The following ADGRL1 variants were observed in gnomAD, a reference collection of about 807,000 sequenced individuals.
ADGRL1 encodes the protein adhesion G protein-coupled receptor L1, also known as CIRL-1.
ADGRL1 carries 31 observed loss-of-function variants against 148.9 expected under a neutral mutation model. The observed-to-expected ratio is 0.21, with a 90% CI of 0.16 to 0.28. The LOEUF (loss-of-function observed/expected upper bound fraction) is 0.28, where lower values mean the gene tolerates loss of function less well. Among genes scored for constraint, ADGRL1 ranks in the 10% least tolerant of loss-of-function variants. The pLI is 1.00. For missense variants in ADGRL1, 1,521 were observed against 2,058.8 expected (o/e 0.74, Z 5.05); for synonymous variants, 937 against 900.3 (o/e 1.04, Z -0.73).
At chr19:14,194,167 G>A (rs1972116515) in intron 1 of ADGRL1, among the ~76,000 whole-genome samples, 1 of 152,152 alleles carries the variant, frequency 6.6e-6, no homozygotes, top group Non-Finnish European at 1.5e-5. Context: ...ACCTGTGATC[G>A]CACCAGTACA....
chr19:14,173,590 C>T (rs879366759), intron 3 of ADGRL1, among the ~76,000 whole-genome samples: 8 of 152,082 alleles, frequency 5.3e-5, no homozygotes, highest in Non-Finnish European at 7.4e-5. Flanking sequence ...TGTACACGCA[C>T]GTTCACAGCT....
chr19:14,153,971 TA>T (rs931109030), intron 18 of ADGRL1, among the ~76,000 whole-genome samples: 1 of 150,526 alleles, frequency 6.6e-6, no homozygotes, highest in Non-Finnish European at 1.5e-5. Flanking sequence ...AAAAAAAACC[TA>T]AAAAAATAAA....
chr19:14,170,210 TG>T (rs1418902368), intron 4 of ADGRL1: 1 of 154,382 alleles, frequency 6.5e-6, no homozygotes, highest in African/African-American at 2.4e-5. Context: ...AGAGGGGCAG[TG>T]GGGTAAGTGA....
chr19:14,163,532 G>T (rs946811811), intron 4 of ADGRL1, 126 bp from the exon 5 acceptor site: 2 of 729,146 alleles, frequency 2.7e-6, no homozygotes, highest in Non-Finnish European at 4.4e-6. Flanking sequence ...CGCTGCTGGT[G>T]GGGAGCCAGG....
intron 4 of ADGRL1, among the ~76,000 whole-genome samples, chr19:14,167,462 T>C (rs528169848): frequency 6.6e-6 from 1 of 151,476 alleles, no homozygotes; most frequent in Non-Finnish European, 1.5e-5. Flanking sequence ...AGTGGTGGGG[T>C]GGATAAGCCA....
chr19:14,152,376 G>A lies in ADGRL1; in HGVS notation c.3582C>T (p.Pro1194=). 1 of 1,602,042 alleles carries A rather than the reference G, an allele frequency of 6.2e-7. No homozygotes were observed. The highest frequency in any genetic ancestry group is 1.1e-5 in the South Asian group (1 of 89,474). ...CTGACTCGGCGATGAGGGTGTTGTA[G>A]GGACTGGTGCCCCCACGGGGCTGCA... ...PVLQPRGGTS[P]YNTLIAESVG... is the part of the protein sequence containing the mutation. Residue 1194 remains proline, a synonymous_variant, in exon 21 of 23, where the codon CCC becomes CCT. Coordinates refer to ENST00000361434, the MANE Select transcript of ADGRL1 (RefSeq NM_014921.5). This position sits in a 1 kb window ranked among gnomAD's most constrained non-coding sequence, Gnocchi z 6.1.
At chr19:14,188,016 G>A (rs2145074905) in intron 1 of ADGRL1, among the ~76,000 whole-genome samples, 1 of 152,186 alleles carries the variant, frequency 6.6e-6, no homozygotes, top group South Asian at 2.1e-4. Context: ...GATCACTTGA[G>A]CCCAGGAGTT....
rs754400674 is a variant in ADGRL1, at chr19:14,151,596, C to T, written c.3687G>A (p.Arg1229=). The stretch of plus-strand genomic sequence containing the variant: ...GCAGGGTGTCCATGCCACAGGCTTC[C>T]CGGCCTCCCAAGGGGTGCTCTGCAG... ...YREPKHPLGG[R]EACGMDTLPL... Residue 1229 remains arginine, a synonymous_variant, in exon 23 of 23, where the codon CGG becomes CGA. Coordinates refer to ENST00000361434, the MANE Select transcript of ADGRL1 (RefSeq NM_014921.5). 1 of 1,603,770 alleles carries T rather than the reference C, an allele frequency of 6.2e-7. No individual in the cohort carries two copies.
In ADGRL1 at chr19:14,163,186, G is replaced by A. The variant is rs781636420; in HGVS notation, c.615C>T (p.Arg205=). ...RHTTTYRLPN[R]VDGTGFVVYD... ...AGACCACAAAGCCTGTGCCATCCAC[G>A]CGGTTGGGCAGGCGGTAGGTGGTGG... The change falls in exon 5 of 23, where the codon CGC becomes CGT. Residue 205 remains arginine (R), a synonymous_variant. Coordinates refer to ENST00000361434, the MANE Select transcript of ADGRL1 (RefSeq NM_014921.5). The A allele has an allele frequency of 6.8e-6, 11 of 1,613,918 alleles. No homozygotes were observed. Among genetic ancestry groups the A allele is most frequent in the Middle Eastern group, 1.6e-4 (1 of 6,084 alleles).
In ADGRL1 at chr19:14,161,166, TGA is replaced by T; in HGVS notation, c.1510+144_1510+145del. ...GGGGCACTGAGTGGCTCCTGTGCCC[TGA>T]GAGCTCTGCTGGTCACTGGGGATGA... On this transcript the variant is annotated intron_variant, in intron 6 of 22. Transcript: ENST00000361434. This position sits in a 1 kb window ranked among gnomAD's most constrained non-coding sequence, Gnocchi z 4.4. The T allele has an allele frequency of 1.2e-6, 1 of 827,834 alleles. No individual in the cohort carries two copies. Among genetic ancestry groups the T allele is most frequent in the Non-Finnish European group, 1.8e-6 (1 of 561,498 alleles). The allele number at this position is 827,834 out of a possible 1,614,324, so 51.3% of individuals were successfully genotyped here. A position where few individuals can be genotyped will look rare whatever the true frequency, so the allele number is the denominator to read the frequency against.
At chr19:14,186,619 G>A (rs557831802) in intron 1 of ADGRL1, among the ~76,000 whole-genome samples, 31 of 151,994 alleles carry the variant, frequency 2.0e-4, no homozygotes, top group African/African-American at 5.8e-4. Context: ...CTCCTTGCCC[G>A]CCTCCCAATC....
chr19:14,160,820 A>C lies in ADGRL1; in HGVS notation c.1511-124T>G. On this transcript the variant is annotated intron_variant, in intron 6 of 22. Coordinates refer to ENST00000361434, the MANE Select transcript of ADGRL1 (RefSeq NM_014921.5). The surrounding 1 kb of genome is among the most constrained non-coding windows in gnomAD (Gnocchi z 5.9). ...GAGCGGGCGAAGAGGGAGGTGAGGG[A>C]AACACGGAGAAACAGACATGAAGCG... 2.9e-6 allele frequency: 2 copies of C among 695,658 alleles called. No individual in the cohort carries two copies. Among genetic ancestry groups the C allele is most frequent in the Non-Finnish European group, 5.2e-6 (2 of 381,676 alleles). The allele number at this position is 695,658 out of a possible 1,614,324, so 43.1% of individuals were successfully genotyped here. A position where few individuals can be genotyped will look rare whatever the true frequency, so the allele number is the denominator to read the frequency against.
Position 14,149,492 on chromosome 19 carries a change from GAGCAATATACAAGA to G in ADGRL1, c.*1367_*1380del, listed in dbSNP as rs1296404815. ...CCATCTTCCCCGGCGAGAGTCCCCA[GAGCAATATACAAGA>G]AGCAGGAACTCAAAGGGACAGCGCA... On this transcript the variant is annotated 3_prime_UTR_variant, in exon 23 of 23. Transcript: ENST00000361434. The G allele has an allele frequency of 6.5e-6, 1 of 152,952 alleles. No individual in the cohort carries two copies. Among genetic ancestry groups the G allele is most frequent in the African/African-American group, 2.4e-5 (1 of 41,428 alleles). 9.5% of individuals were successfully genotyped at this position (152,952 alleles called of 1,614,324 possible).
intron 3 of ADGRL1, among the ~76,000 whole-genome samples, chr19:14,174,756 G>C (rs540303396): frequency 1.3e-5 from 2 of 151,032 alleles, no homozygotes; most frequent in East Asian, 3.9e-4. Context: ...GGTTGGTCTC[G>C]AACTCCTGAC....
At chr19:14,190,948 T>A (rs1220103418) in intron 1 of ADGRL1, 1 of 378,696 alleles carries the variant, frequency 2.6e-6, no homozygotes, top group Non-Finnish European at 5.3e-6. Flanking sequence ...ATTAGCCAGG[T>A]GTGATGGCGG....
rs1458849073 is a variant in ADGRL1 at position 14,162,189 on chromosome 19, A to G, written c.1195+417T>C. Among the ~76,000 whole-genome samples, 1 of 152,206 alleles carries G rather than the reference A, an allele frequency of 6.6e-6. No homozygotes were observed. The highest frequency in any genetic ancestry group is 1.5e-5 in the Non-Finnish European group (1 of 68,024). The stretch of plus-strand genomic sequence containing the variant: ...AAAAGAAGACTGCAGAGTTGCCCTC[A>G]GCCCGGTCAGCATCAGCAGCTCAGC... On this transcript the variant is annotated intron_variant, in intron 5 of 22. Coordinates refer to ENST00000361434, the MANE Select transcript of ADGRL1 (RefSeq NM_014921.5). This position sits in a 1 kb window ranked among gnomAD's most constrained non-coding sequence, Gnocchi z 5.4.
chr19:14,171,969 CCT>C (rs1468240887), intron 3 of ADGRL1, among the ~76,000 whole-genome samples: 2 of 152,148 alleles, frequency 1.3e-5, no homozygotes, highest in African/African-American at 4.8e-5. Flanking sequence ...CAGAAGAGGC[CCT>C]GTGTCTCCCC....
Position 14,159,576 on chromosome 19 carries a change from C to T in ADGRL1, c.1848G>A (p.Val616=). 6.3e-7 allele frequency: 1 copy of T among 1,597,426 alleles called. No homozygotes were observed. Among genetic ancestry groups the T allele is most frequent in the Non-Finnish European group, 8.6e-7 (1 of 1,168,038 alleles). The part of the protein sequence containing the change: ...RTCKDYIKAV[V]ETVDNLLRPE... ...GCCGGAGCAGATTGTCCACTGTCTCCACCACGGCCTGCACAGGCAGAGGGC... is the reference window on the plus strand; with the variant it reads ...GCCGGAGCAGATTGTCCACTGTCTCTACCACGGCCTGCACAGGCAGAGGGC... Residue 616 remains valine (V), a synonymous_variant, in exon 10 of 23, where the codon GTG becomes GTA. Coordinates refer to ENST00000361434, the MANE Select transcript of ADGRL1 (RefSeq NM_014921.5). The surrounding 1 kb of genome is among the most constrained non-coding windows in gnomAD (Gnocchi z 6.0).
chr19:14,193,041 G>A (rs1196478550), intron 1 of ADGRL1, among the ~76,000 whole-genome samples: 2 of 152,246 alleles, frequency 1.3e-5, no homozygotes, highest in African/African-American at 2.4e-5. Context: ...TGACCTGGGG[G>A]ACCACGCCTG....
Sources: allele counts gnomAD v4.1 joint callset (sites outside exome capture counted in the v4.1 genomes callset), GRCh38; gene constraint gnomAD v4.1.1; non-coding constraint Gnocchi (gnomAD v3.1); transcripts MANE v1.5; gene names NCBI Gene and HGNC (gene_info 2026-07-23, HGNC 2026-07-21).